Variants in STK32C observed in about 807,000 individuals in gnomAD.
STK32C encodes serine/threonine-protein kinase 32C.
In STK32C, 31 loss-of-function variants were observed where a neutral mutation model predicts 56.5. The observed-to-expected ratio is 0.55, with a 90% CI of 0.41 to 0.74. STK32C has a LOEUF of 0.74. Among genes scored for constraint, STK32C ranks in the 30% least tolerant of loss-of-function variants. The pLI is 0.00. For synonymous variants in STK32C, 309 were observed against 289.4 expected, an observed-to-expected ratio of 1.07 and a Z score of -0.69; for missense variants, 544 against 676.9, an observed-to-expected ratio of 0.80 and a Z score of 2.18.
chr10:132,287,766 T>G (rs1032317613), intron 1 of STK32C, among the ~76,000 whole-genome samples: 1 of 152,044 alleles, frequency 6.6e-6, no homozygotes, highest in African/African-American at 2.4e-5. Flanking sequence ...AATCCTCAAT[T>G]TTTAAGAGAT....
chr10:132,273,803 A>G (rs1413594666), intron 1 of STK32C, among the ~76,000 whole-genome samples: 1 of 151,986 alleles, frequency 6.6e-6, no homozygotes, highest in African/African-American at 2.4e-5. Context: ...ATGGTGAGTG[A>G]ATGAGGTGAG....
At chr10:132,285,998 C>T (rs897364453) in intron 1 of STK32C, among the ~76,000 whole-genome samples, 3 of 151,910 alleles carry the variant, frequency 2.0e-5, no homozygotes, top group African/African-American at 4.8e-5. Context: ...TGGTGGCGGG[C>T]GCCTGTCATC....
chr10:132,211,527 A>G (rs1188432994), intron 10 of STK32C, among the ~76,000 whole-genome samples: 5 of 152,206 alleles, frequency 3.3e-5, no homozygotes, highest in Non-Finnish European at 7.3e-5. Context: ...GGGCTGTGTC[A>G]CCTAGATGTG....
At chr10:132,214,283 A>C (rs61865848) in intron 10 of STK32C, among the ~76,000 whole-genome samples, 14,329 of 150,898 alleles carry the variant, frequency 0.095, 946 homozygotes, top group Non-Finnish European at 0.14. Flanking sequence ...GGGGGTGGCG[A>C]GGAATTCTAC....
At chr10:132,310,609 A>G (rs1410958163), upstream of STK32C, among the ~76,000 whole-genome samples, 2 of 152,196 alleles carry the variant, frequency 1.3e-5, no homozygotes, top group African/African-American at 4.8e-5. The surrounding 1 kb of genome is among the most constrained non-coding windows in gnomAD (Gnocchi z 4.6). Context: ...AGGCCAGTAG[A>G]GAATTCCTGA....
rs926656989 is a variant in STK32C at position 132,230,362 on chromosome 10, A to T, written c.319-2234T>A. Among the ~76,000 whole-genome samples, 18 of 152,220 alleles carry T rather than the reference A, an allele frequency of 1.2e-4. No individual in the cohort carries two copies. The South Asian group carries it at 2.5e-3, about 21-fold the overall frequency. ...GCAGCACGGCCTTCCTCCCATGCAC[A>T]CGGCCGCAGGAGGCCGAGGAGTCCC... On this transcript the variant is annotated intron_variant, in intron 2 of 11. Coordinates refer to ENST00000298630, the MANE Select transcript of STK32C (RefSeq NM_173575.4).
chr10:132,231,277 C>T (rs532462678), intron 2 of STK32C, among the ~76,000 whole-genome samples: 45 of 111,406 alleles, frequency 4.0e-4, no homozygotes, highest in Middle Eastern at 4.0e-3. Context: ...CCTGTTACCC[C>T]ACCTGGGAAA....
chr10:132,264,210 T>C (rs1459485857), intron 1 of STK32C, among the ~76,000 whole-genome samples: 1 of 152,252 alleles, frequency 6.6e-6, no homozygotes, highest in African/African-American at 2.4e-5. Context: ...ACCACGGAAC[T>C]CTTCACTCTA....
chr10:132,222,994 C>A lies in STK32C; in HGVS notation c.994-8G>T, dbSNP rs770506424. 3 of 1,547,984 alleles carry A rather than the reference C, an allele frequency of 1.9e-6. No homozygotes were observed. The East Asian group carries it at 7.2e-5, about 37-fold the overall frequency. Reference sequence around the variant, plus strand: ...GGGGTTCACAGTGAGGAGCTGCAACCAGGCATGAGTCAGAGGGTCCAGGGC... The same window carrying A: ...GGGGTTCACAGTGAGGAGCTGCAACAAGGCATGAGTCAGAGGGTCCAGGGC... On this transcript the variant is annotated splice_polypyrimidine_tract_variant and splice_region_variant and intron_variant, in intron 8 of 11. Coordinates refer to ENST00000298630, the MANE Select transcript of STK32C (RefSeq NM_173575.4).
At chr10:132,300,065 C>T (rs999725069) in intron 1 of STK32C, among the ~76,000 whole-genome samples, 3 of 152,240 alleles carry the variant, frequency 2.0e-5, no homozygotes, top group Non-Finnish European at 2.9e-5. Flanking sequence ...GTGCAACGCC[C>T]GTGCTAGACT....
At chr10:132,328,316 G>C (rs138359953) in intron 1 of STK32C, among the ~76,000 whole-genome samples, 1 of 152,034 alleles carries the variant, frequency 6.6e-6, no homozygotes, top group African/African-American at 2.4e-5. Context: ...CTGGGTGGGT[G>C]CCCGAACTGC....
chr10:132,306,433 G>T (rs575322801), intron 1 of STK32C, among the ~76,000 whole-genome samples: 2 of 152,384 alleles, frequency 1.3e-5, no homozygotes, highest in South Asian at 4.1e-4. Flanking sequence ...ACCCTGGAGC[G>T]TGTGGGGCCT....
intron 7 of STK32C, 70 bp downstream of exon 7, chr10:132,225,158 CCCCCT>C: frequency 2.4e-6 from 3 of 1,265,026 alleles, no homozygotes; most frequent in Non-Finnish European, 3.3e-6. Context: ...GGGGCAGCCA[CCCCCT>C]CCCCAGCACT....
intron 4 of STK32C, 125 bp from the exon 5 acceptor site, chr10:132,225,909 G>C (rs2062873188): frequency 8.0e-7 from 1 of 1,256,492 alleles, no homozygotes; most frequent in Non-Finnish European, 1.1e-6. Flanking sequence ...AGGCCTGGGA[G>C]CTTGACTTGG....
At chr10:132,236,054 G>C (rs946191660) in intron 2 of STK32C, among the ~76,000 whole-genome samples, 1 of 152,200 alleles carries the variant, frequency 6.6e-6, no homozygotes, top group African/African-American at 2.4e-5. Flanking sequence ...CCGGGTGCTT[G>C]TGGGGGGTCA....
chr10:132,227,515 G>C (rs546592257), intron 3 of STK32C, among the ~76,000 whole-genome samples: 11 of 152,232 alleles, frequency 7.2e-5, no homozygotes, highest in Admixed American at 7.2e-4. Context: ...CGTGGTGGTG[G>C]TGGTAATGGT....
intron 1 of STK32C, among the ~76,000 whole-genome samples, chr10:132,293,795 T>G (rs1007914273): frequency 1.3e-5 from 2 of 151,464 alleles, no homozygotes; most frequent in African/African-American, 4.9e-5. Flanking sequence ...AGCCACTGCC[T>G]GGGGAATGGG....
chr10:132,296,387 C>A (rs1323757445), intron 1 of STK32C, among the ~76,000 whole-genome samples: 1 of 152,002 alleles, frequency 6.6e-6, no homozygotes, highest in African/African-American at 2.4e-5. Flanking sequence ...GGTATGGATA[C>A]GGGTCCTCTA....
chr10:132,213,895 A>T (rs931671091), intron 10 of STK32C, among the ~76,000 whole-genome samples: 3 of 152,178 alleles, frequency 2.0e-5, no homozygotes, highest in Admixed American at 2.0e-4. Context: ...ATGGTTCCTC[A>T]GTAGACTGGA....
Sources: gnomAD v4.1 joint callset for allele counts (sites outside exome capture counted in the v4.1 genomes callset) on GRCh38, gnomAD v4.1.1 for gene constraint, Gnocchi (gnomAD v3.1) non-coding constraint, MANE v1.5 for transcripts, NCBI Gene and HGNC (gene_info 2026-07-23, HGNC 2026-07-21) for gene names.